Variants in EBF1 observed in about 807,000 individuals in gnomAD.
The protein encoded by EBF1 is EBF transcription factor 1, also known as transcription factor COE1.
In EBF1, 10 loss-of-function variants were observed where a neutral mutation model predicts 68.4. That is an observed-to-expected ratio of 0.15 (90% CI 0.09 to 0.25). EBF1 has a LOEUF of 0.25. EBF1 is among the 10% of genes least tolerant of loss of function. The pLI, the probability that EBF1 is intolerant of heterozygous loss-of-function variation, is 1.00. For synonymous variants in EBF1, 298 were observed against 299.8 expected (o/e 0.99, Z 0.06); for missense variants, 509 against 794.4 (o/e 0.64, Z 4.32).
chr5:158,948,372 A>G (rs1223118445), intron 6 of EBF1, among the ~76,000 whole-genome samples: 1 of 150,976 alleles, frequency 6.6e-6, no homozygotes, highest in Non-Finnish European at 1.5e-5. Context: ...GTACACTGGA[A>G]TGTTTAAAAA....
chr5:158,773,766 A>G (rs1461658701), intron 10 of EBF1, among the ~76,000 whole-genome samples: 1 of 152,166 alleles, frequency 6.6e-6, no homozygotes, highest in East Asian at 1.9e-4. Flanking sequence ...TTAGCTTCCA[A>G]GGCTACTTAG....
chr5:158,804,508 C>T (rs1398049778), intron 8 of EBF1, among the ~76,000 whole-genome samples: 5 of 152,030 alleles, frequency 3.3e-5, no homozygotes, highest in Admixed American at 6.6e-5. Flanking sequence ...GTTTGTCTGT[C>T]GGAGATCTGG....
At chr5:158,892,055 A>G (rs151232462) in intron 6 of EBF1, among the ~76,000 whole-genome samples, 1 of 152,160 alleles carries the variant, frequency 6.6e-6, no homozygotes, top group East Asian at 1.9e-4. Flanking sequence ...TTCCAAAGAT[A>G]TTTCCCTTCA....
chr5:158,998,025 A>G (rs961860249), intron 6 of EBF1, among the ~76,000 whole-genome samples: 3 of 152,068 alleles, frequency 2.0e-5, no homozygotes, highest in Non-Finnish European at 2.9e-5. Context: ...TGAAAGGCTC[A>G]ATTCAGGACA....
chr5:159,078,983 A>G (rs192882734), intron 5 of EBF1, among the ~76,000 whole-genome samples: 1 of 152,356 alleles, frequency 6.6e-6, no homozygotes, highest in Non-Finnish European at 1.5e-5. Context: ...GTCTTTCTCA[A>G]CAGGAGGAAA....
In EBF1 at chr5:159,096,395, G is replaced by A. The variant is rs941161161; in HGVS notation, c.303C>T (p.Ser101=). 1 of 1,613,566 alleles carries A rather than the reference G, an allele frequency of 6.2e-7. No homozygotes were observed. The highest frequency in any genetic ancestry group is 1.3e-5 in the African/African-American group (1 of 75,028). Residue 101 remains serine (S), a synonymous_variant, in exon 3 of 16, where the codon AGC becomes AGT. Coordinates refer to ENST00000313708, the MANE Select transcript of EBF1 (RefSeq NM_024007.5). The part of the protein sequence containing the change: ...GFVEKEKEAN[S]EKTNNGIHYR... ...AGTGAATTCCGTTATTGGTCTTTTC[G>A]CTGTTGGCTTCCTGGGTTGCATCAG...
At chr5:158,930,630 G>T (rs1290586127) in intron 6 of EBF1, among the ~76,000 whole-genome samples, 3 of 152,196 alleles carry the variant, frequency 2.0e-5, no homozygotes, top group African/African-American at 7.2e-5. Context: ...GTTGTATGAT[G>T]CATTTTAGGA....
At chr5:158,756,436 C>T (rs1297429062) in intron 10 of EBF1, among the ~76,000 whole-genome samples, 4 of 151,820 alleles carry the variant, frequency 2.6e-5, no homozygotes, top group South Asian at 2.1e-4. Context: ...TTTCTTTTGC[C>T]CCCTTTATTT....
intron 7 of EBF1, among the ~76,000 whole-genome samples, chr5:158,839,222 T>G (rs1789602143): frequency 6.6e-6 from 1 of 152,216 alleles, no homozygotes; most frequent in South Asian, 2.1e-4. Context: ...TTTAGAGATG[T>G]TATGCTTCTT....
At chr5:158,834,409 C>G (rs1361372299) in intron 7 of EBF1, among the ~76,000 whole-genome samples, 1 of 152,062 alleles carries the variant, frequency 6.6e-6, no homozygotes, top group Non-Finnish European at 1.5e-5. Context: ...CTCATACCCA[C>G]CAGTCCTTAA....
intron 6 of EBF1, among the ~76,000 whole-genome samples, chr5:158,895,753 G>C (rs1802053471): frequency 6.6e-6 from 1 of 152,184 alleles, no homozygotes; most frequent in Admixed American, 6.5e-5. Context: ...GATCCCTTGA[G>C]GCAGAAGTGG....
intron 13 of EBF1, 111 bp from the exon 14 acceptor site, chr5:158,712,444 A>G: frequency 8.1e-7 from 1 of 1,241,184 alleles, no homozygotes; most frequent in South Asian, 1.4e-5. Flanking sequence ...CGCAACCCAG[A>G]GGGAAGGGAT....
At chr5:158,824,365 T>C (rs561585499) in intron 7 of EBF1, among the ~76,000 whole-genome samples, 1 of 152,356 alleles carries the variant, frequency 6.6e-6, no homozygotes, top group South Asian at 2.1e-4. Context: ...CCTCAGGCTC[T>C]TTGATTGATC....
intron 7 of EBF1, among the ~76,000 whole-genome samples, chr5:158,829,709 T>A (rs2127908861): frequency 6.6e-6 from 1 of 152,276 alleles, no homozygotes; most frequent in East Asian, 1.9e-4. Context: ...CCCTATAGTC[T>A]ACATTCTACA....
At chr5:159,089,576 AT>A (rs1781264083) in intron 4 of EBF1, among the ~76,000 whole-genome samples, 1 of 152,172 alleles carries the variant, frequency 6.6e-6, no homozygotes, top group Admixed American at 6.5e-5. Context: ...AGAATTGAAC[AT>A]GGTTTTTCTG....
intron 6 of EBF1, among the ~76,000 whole-genome samples, chr5:159,064,357 T>A (rs1776375143): frequency 6.6e-6 from 1 of 152,054 alleles, no homozygotes; most frequent in Non-Finnish European, 1.5e-5. Flanking sequence ...AGCTGAGCAA[T>A]TGAGAAAAGG....
At chr5:159,081,435 T>A (rs1779722103) in intron 5 of EBF1, among the ~76,000 whole-genome samples, 1 of 152,240 alleles carries the variant, frequency 6.6e-6, no homozygotes, top group African/African-American at 2.4e-5. Context: ...GGTTCAGGAC[T>A]ATCTGCAGTT....
At chr5:158,855,317 C>T (rs1793758455) in intron 6 of EBF1, among the ~76,000 whole-genome samples, 1 of 152,234 alleles carries the variant, frequency 6.6e-6, no homozygotes, top group Non-Finnish European at 1.5e-5. Context: ...AACTGATCCT[C>T]ACGAAAAGTC....
intron 6 of EBF1, among the ~76,000 whole-genome samples, chr5:159,059,601 C>A (rs1166425365): frequency 6.6e-6 from 1 of 152,092 alleles, no homozygotes; most frequent in Non-Finnish European, 1.5e-5. Flanking sequence ...ATTAATCAAA[C>A]CATGGCTAAT....
Sources: gnomAD v4.1 joint callset for allele counts (sites outside exome capture counted in the v4.1 genomes callset) on GRCh38, gnomAD v4.1.1 for gene constraint, MANE v1.5 for transcripts, NCBI Gene and HGNC (gene_info 2026-07-23, HGNC 2026-07-21) for gene names.